Variants in MDM2 observed in about 807,000 individuals in gnomAD.
MDM2 encodes MDM2 proto-oncogene.
A neutral mutation model predicts 64.3 loss-of-function variants in MDM2; 11 were observed. The ratio of observed to expected loss-of-function variants is 0.17; its 90% CI spans 0.11 to 0.28. The LOEUF (loss-of-function observed/expected upper bound fraction) is 0.28. MDM2 is among the 10% of genes least tolerant of loss of function. MDM2 has a pLI of 1.00. For missense variants in MDM2, 388 were observed against 577.1 expected (o/e 0.67, Z 3.36); for synonymous variants, 194 against 192.9 (o/e 1.01, Z -0.05).
intron 8 of MDM2, among the ~76,000 whole-genome samples, chr12:68,832,309 T>C (rs1432414320): frequency 1.3e-5 from 2 of 152,156 alleles, no homozygotes; most frequent in Admixed American, 6.5e-5. Context: ...TGTTCTAGAC[T>C]GTACACCATG....
At chr12:68,818,565 TATA>T (rs1381286992) in intron 4 of MDM2, among the ~76,000 whole-genome samples, 3 of 148,162 alleles carry the variant, frequency 2.0e-5, no homozygotes, top group East Asian at 1.9e-4. Context: ...ATAATATACA[TATA>T]ATATAATTAT....
At chr12:68,821,232 G>C (rs1420347230) in intron 5 of MDM2, among the ~76,000 whole-genome samples, 7 of 151,872 alleles carry the variant, frequency 4.6e-5, no homozygotes, top group Admixed American at 3.3e-4. Flanking sequence ...ATTTTTAGTA[G>C]AGAGGGGGTT....
chr12:68,836,705 A>T lies in MDM2; in HGVS notation c.874A>T (p.Ser292Cys). 6.2e-7 allele frequency: 1 copy of T among 1,611,952 alleles called. No homozygotes were observed. The highest frequency in any genetic ancestry group is 8.5e-7 in the Non-Finnish European group (1 of 1,178,308). Residue 292 changes from serine (S) to cysteine (C), a missense_variant, in exon 10 of 11, where the codon AGT (serine) becomes TGT (cysteine). By Grantham distance (112) the Ser-to-Cys change is moderately radical. Coordinates refer to ENST00000258149, the MANE Select transcript of MDM2 (RefSeq NM_002392.6). ...AGTTACTGTGTATCAGGCAGGGGAG[A>T]GTGATACAGATTCATTTGAAGAAGA... ...YQVTVYQAGESDTDSFEEDPE... is the reference protein window; with the variant it reads ...YQVTVYQAGECDTDSFEEDPE...
At chr12:68,808,902 C>G in intron 1 of MDM2, 1 of 1,360,304 alleles carries the variant, frequency 7.4e-7, no homozygotes, top group Non-Finnish European at 9.4e-7. Context: ...GGCAGGTTGA[C>G]TCAGCTTTTC....
chr12:68,822,897 C>T (rs902519198), intron 5 of MDM2, among the ~76,000 whole-genome samples: 12 of 151,974 alleles, frequency 7.9e-5, no homozygotes, highest in African/African-American at 2.7e-4. Context: ...CCTGCCACCA[C>T]GTCCGGTTAA....
At chr12:68,834,309 G>A (rs1883133827) in intron 8 of MDM2, among the ~76,000 whole-genome samples, 1 of 152,200 alleles carries the variant, frequency 6.6e-6, no homozygotes, top group African/African-American at 2.4e-5. Flanking sequence ...GGGTGTGGTA[G>A]TGGACACCTG....
At chr12:68,830,255 T>C (rs1405766341) in intron 8 of MDM2, among the ~76,000 whole-genome samples, 1 of 152,226 alleles carries the variant, frequency 6.6e-6, no homozygotes, top group African/African-American at 2.4e-5. Context: ...ATGTAGGAAG[T>C]GGAACCAATT....
chr12:68,839,690 G>A lies in MDM2; in HGVS notation c.1335G>A (p.Val445=), dbSNP rs2136179462. ...SLPLNAIEPC[V]ICQGRPKNGC... ...CCCTTAATGCCATTGAACCTTGTGTGATTTGTCAAGGTCGACCTAAAAATG... is the reference window on the plus strand; with the variant it reads ...CCCTTAATGCCATTGAACCTTGTGTAATTTGTCAAGGTCGACCTAAAAATG... The change falls in exon 11 of 11, where the codon GTG becomes GTA. Residue 445 remains valine (V), a synonymous_variant. Coordinates refer to ENST00000258149, the MANE Select transcript of MDM2 (RefSeq NM_002392.6). 6.2e-7 allele frequency: 1 copy of A among 1,613,804 alleles called. No individual in the cohort carries two copies. Among genetic ancestry groups the A allele is most frequent in the Non-Finnish European group, 8.5e-7 (1 of 1,179,986 alleles).
chr12:68,835,724 G>A, intron 8 of MDM2, 105 bp from the exon 9 acceptor site: 9 of 1,148,720 alleles, frequency 7.8e-6, no homozygotes, highest in Non-Finnish European at 9.7e-6. Context: ...TCCCCCAACT[G>A]TTACACCCTG....
chr12:68,808,522 G>C (rs1035203675), intron 1 of MDM2, 31 bp downstream of exon 1: 1 of 1,613,866 alleles, frequency 6.2e-7, no homozygotes, highest in African/African-American at 1.3e-5. Context: ...GGTCACTTTT[G>C]GGTCTGGGCT....
intron 4 of MDM2, among the ~76,000 whole-genome samples, chr12:68,817,186 A>G (rs1427455016): frequency 2.0e-5 from 3 of 152,222 alleles, no homozygotes; most frequent in Non-Finnish European, 4.4e-5. Context: ...TAACCTTTTT[A>G]AACCTGCTTC....
intron 8 of MDM2, among the ~76,000 whole-genome samples, chr12:68,830,946 C>T (rs1882742519): frequency 6.6e-6 from 1 of 152,166 alleles, no homozygotes; most frequent in Non-Finnish European, 1.5e-5. Flanking sequence ...AGTGATCTGC[C>T]TGCCTTGGCC....
chr12:68,831,970 T>G (rs1184720996), intron 8 of MDM2, among the ~76,000 whole-genome samples: 1 of 152,102 alleles, frequency 6.6e-6, no homozygotes, highest in East Asian at 1.9e-4. Context: ...CTCAGGAGGC[T>G]GAGACAGGAG....
intron 3 of MDM2, among the ~76,000 whole-genome samples, chr12:68,815,955 C>G (rs569078958): frequency 3.6e-4 from 55 of 152,102 alleles, no homozygotes; most frequent in Non-Finnish European, 6.5e-4. Context: ...GGTTCAAAGT[C>G]ATTATTTTGA....
chr12:68,828,962 T>TTAACAGTAGA (rs1565741437), intron 8 of MDM2, 31 bp downstream of exon 8: 1 of 1,605,324 alleles, frequency 6.2e-7, no homozygotes, highest in Non-Finnish European at 8.5e-7. Context: ...AAGGCAAGAC[T>TTAACAGTAGA]CTTACTGTTC....
chr12:68,836,701 G>T lies in MDM2; in HGVS notation c.870G>T (p.Gly290=), dbSNP rs1455326154. The change falls in exon 10 of 11, where the codon GGG becomes GGT. Residue 290 remains glycine (G), a synonymous_variant. Coordinates refer to ENST00000258149, the MANE Select transcript of MDM2 (RefSeq NM_002392.6). ...EVYQVTVYQA[G]ESDTDSFEED... ...ATCAAGTTACTGTGTATCAGGCAGG[G>T]GAGAGTGATACAGATTCATTTGAAG... 6.2e-7 allele frequency: 1 copy of T among 1,611,910 alleles called. No homozygotes were observed. Among genetic ancestry groups the T allele is most frequent in the Non-Finnish European group, 8.5e-7 (1 of 1,178,326 alleles).
At chr12:68,823,517 C>T (rs576278384) in intron 5 of MDM2, among the ~76,000 whole-genome samples, 9 of 152,152 alleles carry the variant, frequency 5.9e-5, no homozygotes, top group Non-Finnish European at 1.3e-4. Flanking sequence ...AATACCAGGT[C>T]TTGTTGGTTT....
downstream of MDM2, chr12:68,848,149 T>C (rs1440176534): frequency 1.3e-5 from 2 of 152,218 alleles, no homozygotes; most frequent in Non-Finnish European, 2.9e-5. Context: ...AAAATAACAG[T>C]ATGTTCATTA....
intron 2 of MDM2, 33 bp downstream of exon 2, chr12:68,809,325 ATAATT>A (rs777534936): frequency 6.3e-6 from 10 of 1,576,388 alleles, no homozygotes; most frequent in African/African-American, 4.1e-5. Flanking sequence ...ACTTTTAAGA[ATAATT>A]TATTTTATGA....
Sources: gnomAD v4.1 joint callset for allele counts (sites outside exome capture counted in the v4.1 genomes callset) on GRCh38, gnomAD v4.1.1 for gene constraint, MANE v1.5 for transcripts, NCBI Gene and HGNC (gene_info 2026-07-23, HGNC 2026-07-21) for gene names.